FSTL4: variants seen among roughly 807,000 people sequenced by gnomAD.
The protein encoded by FSTL4 is follistatin like 4, also known as follistatin-related protein 4.
A neutral mutation model predicts 78.2 loss-of-function variants in FSTL4; 28 were observed. The observed-to-expected ratio is 0.36, with a 90% confidence interval of 0.27 to 0.49. The LOEUF (loss-of-function observed/expected upper bound fraction) is 0.49. Among genes scored for constraint, FSTL4 ranks in the 20% least tolerant of loss-of-function variants. The pLI, the probability that FSTL4 is intolerant of heterozygous loss-of-function variation, is 0.98. For missense variants in FSTL4, 922 were observed against 1,084.9 expected (o/e 0.85, Z 2.11); for synonymous variants, 422 against 440.5 (o/e 0.96, Z 0.53).
At chr5:133,619,587 A>C in the FSTL4 span, among the ~76,000 whole-genome samples, 1 of 152,232 alleles carries the variant, frequency 6.6e-6, no homozygotes, top group African/African-American at 2.4e-5. Flanking sequence ...CAAGCTGGTC[A>C]GCAGTTGAAG....
At chr5:133,806,837 C>T in the FSTL4 span, among the ~76,000 whole-genome samples, 3,416 of 152,280 alleles carry the variant, frequency 0.022, 60 homozygotes, top group Non-Finnish European at 0.034. Flanking sequence ...GAGGGGGGCA[C>T]CCTGCTCCGC....
chr5:133,637,012 A>C, the FSTL4 span, among the ~76,000 whole-genome samples: 1 of 152,158 alleles, frequency 6.6e-6, no homozygotes, highest in Admixed American at 6.5e-5. Context: ...GCTGGAGTGG[A>C]AGCATAAGTA....
At chr5:133,231,372 G>A (rs1342341146) in intron 8 of FSTL4, among the ~76,000 whole-genome samples, 3 of 151,938 alleles carry the variant, frequency 2.0e-5, no homozygotes, top group Non-Finnish European at 4.4e-5. Flanking sequence ...GAGGGTCTAC[G>A]TGGGTGTGTG....
At chr5:133,312,814 T>C in intron 5 of FSTL4, 37 bp from the exon 6 acceptor site, 5 of 1,611,910 alleles carry the variant, frequency 3.1e-6, no homozygotes, top group Non-Finnish European at 3.4e-6. Flanking sequence ...CAGAATCAGA[T>C]GAGTTTAGAG....
the FSTL4 span, among the ~76,000 whole-genome samples, chr5:133,732,123 A>G: frequency 2.0e-5 from 3 of 152,216 alleles, no homozygotes; most frequent in Non-Finnish European, 2.9e-5. Flanking sequence ...ATCTAGAGCC[A>G]GGTATCTCTA....
chr5:133,228,156 G>C (rs923578605), intron 8 of FSTL4, among the ~76,000 whole-genome samples: 7 of 152,192 alleles, frequency 4.6e-5, no homozygotes, highest in African/African-American at 1.4e-4. Context: ...GAGCCCGGAA[G>C]GTTGAGGCTG....
chr5:133,304,216 G>T (rs889140249), intron 6 of FSTL4, among the ~76,000 whole-genome samples: 3 of 152,192 alleles, frequency 2.0e-5, no homozygotes, highest in African/African-American at 4.8e-5. Flanking sequence ...GTAAAAAGCT[G>T]ACATTTAAAT....
the FSTL4 span, among the ~76,000 whole-genome samples, chr5:133,771,917 A>G: frequency 6.6e-6 from 1 of 152,188 alleles, no homozygotes; most frequent in Non-Finnish European, 1.5e-5. Flanking sequence ...GGGTTTGATC[A>G]TTATACTGTT....
At chr5:133,559,104 C>T (rs1759860588) in intron 3 of FSTL4, among the ~76,000 whole-genome samples, 2 of 152,144 alleles carry the variant, frequency 1.3e-5, no homozygotes, top group Non-Finnish European at 1.5e-5. Context: ...AGAATTAGAA[C>T]ATAATGGTCA....
At chr5:133,231,285 C>T (rs1319932436) in intron 8 of FSTL4, among the ~76,000 whole-genome samples, 1 of 152,010 alleles carries the variant, frequency 6.6e-6, no homozygotes, top group Non-Finnish European at 1.5e-5. Context: ...AAGTTAGAGC[C>T]AGCTCTGGGC....
chr5:133,481,182 G>A (rs1393337280), intron 3 of FSTL4, among the ~76,000 whole-genome samples: 1 of 152,194 alleles, frequency 6.6e-6, no homozygotes, highest in Non-Finnish European at 1.5e-5. Flanking sequence ...GCCTTGAGAT[G>A]TTTAACTCTT....
At chr5:133,738,966 G>T in the FSTL4 span, among the ~76,000 whole-genome samples, 2 of 152,126 alleles carry the variant, frequency 1.3e-5, no homozygotes, top group Admixed American at 1.3e-4. Flanking sequence ...GTTGGGGGCT[G>T]CACAGGTTGC....
At position 133,451,271 on chromosome 5, in the gene FSTL4, A is replaced by T. The variant is rs560880952; in HGVS notation, c.161-50285T>A. Reference sequence around the variant, plus strand: ...CTGCTGTTTACGAAAGGAAAGTTTGAGAATGTTGGCCAGGCACGGTGGCTC... The same window carrying T: ...CTGCTGTTTACGAAAGGAAAGTTTGTGAATGTTGGCCAGGCACGGTGGCTC... On this transcript the variant is annotated intron_variant, in intron 3 of 15. Transcript: ENST00000265342. 5.3e-5 allele frequency among the ~76,000 whole-genome samples: 8 copies of T among 152,222 alleles called. No individual in the cohort carries two copies. The South Asian group carries it at 1.7e-3, about 32-fold the overall frequency.
At chr5:133,221,382 G>A (rs897600633) in intron 11 of FSTL4, among the ~76,000 whole-genome samples, 1 of 152,064 alleles carries the variant, frequency 6.6e-6, no homozygotes, top group Admixed American at 6.6e-5. Flanking sequence ...TTTCCAGACA[G>A]CTTGCTCTTA....
At chr5:133,295,451 G>A (rs546498610) in intron 6 of FSTL4, among the ~76,000 whole-genome samples, 39 of 152,228 alleles carry the variant, frequency 2.6e-4, no homozygotes, top group Non-Finnish European at 5.3e-4. Context: ...GGTTGCTCAC[G>A]TGTGTTTGCA....
the FSTL4 span, among the ~76,000 whole-genome samples, chr5:133,833,803 A>G: frequency 6.6e-6 from 1 of 152,320 alleles, no homozygotes; most frequent in African/African-American, 2.4e-5. Context: ...TGGAAAAATA[A>G]TATTTATAAG....
intron 3 of FSTL4, among the ~76,000 whole-genome samples, chr5:133,506,425 T>A (rs1467117991): frequency 4.6e-5 from 7 of 151,938 alleles, no homozygotes. Context: ...CTCTGAAAAG[T>A]CAACAGCTCC....
At chr5:133,520,535 T>C (rs1758957380) in intron 3 of FSTL4, among the ~76,000 whole-genome samples, 1 of 151,932 alleles carries the variant, frequency 6.6e-6, no homozygotes, top group South Asian at 2.1e-4. Flanking sequence ...GAAGAAAAAA[T>C]GGTGCATTCT....
the FSTL4 span, among the ~76,000 whole-genome samples, chr5:133,819,807 C>T: frequency 6.6e-6 from 1 of 152,188 alleles, no homozygotes; most frequent in Non-Finnish European, 1.5e-5. Flanking sequence ...GCTGAGGGAC[C>T]TCCACATCAA....
Sources: allele counts gnomAD v4.1 joint callset (sites outside exome capture counted in the v4.1 genomes callset), GRCh38; gene constraint gnomAD v4.1.1; transcripts MANE v1.5; gene names NCBI Gene and HGNC (gene_info 2026-07-23, HGNC 2026-07-21).